Variants in AKAP11 observed in about 807,000 individuals in gnomAD.
The protein encoded by AKAP11 is A-kinase anchoring protein 11, also known as A-kinase anchor protein 11.
AKAP11 carries 36 observed loss-of-function variants against 146.1 expected under a neutral mutation model. The observed-to-expected ratio is 0.25, with a 90% confidence interval of 0.19 to 0.33. The LOEUF (loss-of-function observed/expected upper bound fraction) is 0.33, where lower values mean the gene tolerates loss of function less well. AKAP11 is among the 10% of genes least tolerant of loss of function. The pLI, the probability that AKAP11 is intolerant of heterozygous loss-of-function variation, is 1.00. For synonymous variants in AKAP11, 780 were observed against 786.5 expected, an observed-to-expected ratio of 0.99 and a Z score of 0.14; for missense variants, 2,201 against 2,197.0, an observed-to-expected ratio of 1.00 and a Z score of -0.04.
chr13:42,308,603 G>A lies in AKAP11; in HGVS notation c.5267G>A (p.Ser1756Asn), dbSNP rs1470464400. ...QDESSSFHHL[S>N]ESNGNSSSWS... ...GAAAGCAGCAGTTTTCATCATCTAAGTGAAAGGTAACTACACTTTTGCATA... is the reference window on the plus strand; with the variant it reads ...GAAAGCAGCAGTTTTCATCATCTAAATGAAAGGTAACTACACTTTTGCATA... The change falls in exon 9 of 13, where the codon AGT becomes AAT. Residue 1756 changes from serine (S) to asparagine (N), a missense_variant. By Grantham distance (46) the Ser-to-Asn change is conservative. This residue lies in a region of AKAP11 where 1,867 missense variants were observed against 1,833.5 expected (regional missense o/e 1.02). Transcript: ENST00000025301. 3 of 1,611,592 alleles carry A rather than the reference G, an allele frequency of 1.9e-6. No homozygotes were observed. Among genetic ancestry groups the A allele is most frequent in the South Asian group, 2.2e-5 (2 of 90,576 alleles).
chr13:42,285,118 A>G (rs992840350), intron 1 of AKAP11, among the ~76,000 whole-genome samples: 1 of 152,240 alleles, frequency 6.6e-6, no homozygotes, highest in Non-Finnish European at 1.5e-5. Context: ...GGGGGGCTAG[A>G]TTGAAGTTTG....
In AKAP11 at chr13:42,301,246, A is replaced by G; in HGVS notation, c.2500A>G (p.Arg834Gly). 2 of 1,613,992 alleles carry G rather than the reference A, an allele frequency of 1.2e-6. No homozygotes were observed. The highest frequency in any genetic ancestry group is 1.7e-6 in the Non-Finnish European group (2 of 1,179,958). Residue 834 changes from arginine to glycine, a missense_variant, in exon 8 of 13, where the codon AGA becomes GGA. Coordinates refer to ENST00000025301, the MANE Select transcript of AKAP11 (RefSeq NM_016248.4). ...CAGAGAAGAAAAAGCAGCTTGTCTCAGAAATATTTGTTTACCTTCAGAACA... is the reference window on the plus strand; with the variant it reads ...CAGAGAAGAAAAAGCAGCTTGTCTCGGAAATATTTGTTTACCTTCAGAACA... Reference protein sequence around the residue: ...KNREEKAACLRNICLPSEHNP... With the variant: ...KNREEKAACLGNICLPSEHNP...
chr13:42,298,413 C>CAGG, intron 6 of AKAP11, 120 bp from the exon 7 acceptor site: 1 of 1,042,662 alleles, frequency 9.6e-7, no homozygotes, highest in Non-Finnish European at 1.4e-6. Context: ...AGGAGCTTTT[C>CAGG]AGGATGCATG....
At chr13:42,274,415 G>A (rs1199730423) in intron 1 of AKAP11, among the ~76,000 whole-genome samples, 1 of 152,232 alleles carries the variant, frequency 6.6e-6, no homozygotes, top group East Asian at 1.9e-4. Context: ...CAGGCTTGGT[G>A]CCTTACACTT....
upstream of AKAP11, chr13:42,272,051 T>TGCG (rs1019424784): frequency 7.9e-4 from 108 of 136,010 alleles, 1 homozygote; most frequent in South Asian, 2.2e-3. Flanking sequence ...GGGCCGGAGC[T>TGCG]GCGGCGGCGG....
rs992696436 is a variant in AKAP11, at chr13:42,303,385, G to A, written c.4639G>A (p.Val1547Ile). The change falls in exon 8 of 13, where the codon GTA (valine) becomes ATA (isoleucine). Residue 1547 changes from valine to isoleucine, a missense_variant. Around this residue, in one of 3 missense-constraint regions of AKAP11, gnomAD observed 1,867 missense variants for 1,833.5 expected, o/e 1.02. Coordinates refer to ENST00000025301, the MANE Select transcript of AKAP11 (RefSeq NM_016248.4). ...AGCTGTAGAACAGTATGCCAAAAAA[G>A]TAGTGGATGACACTCTAGAGCTAAC... ...VQAVEQYAKK[V>I]VDDTLELTLG... 4 of 1,613,708 alleles carry A rather than the reference G, an allele frequency of 2.5e-6. No individual in the cohort carries two copies. The highest frequency in any genetic ancestry group is 3.3e-5 in the Admixed American group (2 of 60,000).
chr13:42,318,667 C>A lies in AKAP11; in HGVS notation c.5566-421C>A, dbSNP rs200881173. Reference sequence around the variant, plus strand: ...GAGTGTGTATTCCAGAAAAATGCCACACTATATGTTGTGGAAGGAAAATCC... The same window carrying A: ...GAGTGTGTATTCCAGAAAAATGCCAAACTATATGTTGTGGAAGGAAAATCC... On this transcript the variant is annotated intron_variant, in intron 12 of 12. Coordinates refer to ENST00000025301, the MANE Select transcript of AKAP11 (RefSeq NM_016248.4). Among the ~76,000 whole-genome samples, 138 of 152,280 alleles carry A rather than the reference C, an allele frequency of 9.1e-4. 1 individual carries two copies. The highest frequency in any genetic ancestry group is 3.2e-3 in the African/African-American group (135 of 41,560).
rs751645542 is a variant in AKAP11, at chr13:42,308,598, T to A, written c.5262T>A (p.His1754Gln). ...AAGATGAAAGCAGCAGTTTTCATCA[T>A]CTAAGTGAAAGGTAACTACACTTTT... is the stretch of plus-strand genomic sequence containing the variant. The part of the protein sequence containing the change: ...EHQDESSSFH[H>Q]LSESNGNSSS... The change falls in exon 9 of 13, where the codon CAT (histidine) becomes CAA (glutamine). Residue 1754 changes from histidine to glutamine, a missense_variant. By Grantham distance (24) the His-to-Gln change is conservative. Transcript: ENST00000025301. 1 of 1,612,144 alleles carries A rather than the reference T, an allele frequency of 6.2e-7. No individual in the cohort carries two copies. The highest frequency in any genetic ancestry group is 1.1e-5 in the South Asian group (1 of 90,688).
chr13:42,280,830 A>T (rs1371361411), intron 1 of AKAP11, among the ~76,000 whole-genome samples: 1 of 152,168 alleles, frequency 6.6e-6, no homozygotes, highest in East Asian at 1.9e-4. Context: ...GAGAGGGTAG[A>T]TTTGAGAGAA....
chr13:42,284,706 G>A (rs770604156), intron 1 of AKAP11, among the ~76,000 whole-genome samples: 62 of 152,156 alleles, frequency 4.1e-4, no homozygotes, highest in Admixed American at 1.0e-3. Context: ...TGGTAAATAC[G>A]GTATCATATA....
intron 5 of AKAP11, among the ~76,000 whole-genome samples, chr13:42,296,711 ATAAAG>A (rs538847629): frequency 3.4e-5 from 5 of 148,646 alleles, no homozygotes; most frequent in Admixed American, 3.3e-4. Context: ...AAAAAATTTC[ATAAAG>A]TTAAGTTAAG....
Position 42,298,686 on chromosome 13 carries a change from A to G in AKAP11, c.505A>G (p.Thr169Ala). The change falls in exon 7 of 13, where the codon ACT becomes GCT. Residue 169 changes from threonine (T) to alanine (A), a missense_variant. Physicochemically the swap from Thr to Ala is moderately conservative, Grantham distance 58 (BLOSUM62 0). This residue lies in a region of AKAP11 where 331 missense variants were observed against 347.4 expected (regional missense o/e 0.95). Transcript: ENST00000025301. ...FLHQKHQLETTDEDDDDTNQS... is the reference protein window; with the variant it reads ...FLHQKHQLETADEDDDDTNQS... Reference sequence around the variant, plus strand: ...GCATCAGAAGCACCAACTTGAGACCACTGATGAAGATGATGATGATACTAA... The same window carrying G: ...GCATCAGAAGCACCAACTTGAGACCGCTGATGAAGATGATGATGATACTAA... 1.2e-6 allele frequency: 2 copies of G among 1,611,754 alleles called. No homozygotes were observed. The highest frequency in any genetic ancestry group is 1.7e-6 in the Non-Finnish European group (2 of 1,179,180).
intron 4 of AKAP11, 149 bp from the exon 5 acceptor site, chr13:42,295,546 A>G (rs1427910467): frequency 2.7e-6 from 2 of 739,350 alleles, no homozygotes; most frequent in South Asian, 1.7e-5. Context: ...CTTTGGTGAA[A>G]AATATTTTTG....
intron 1 of AKAP11, among the ~76,000 whole-genome samples, chr13:42,273,677 G>A (rs563379034): frequency 6.7e-4 from 102 of 152,170 alleles, no homozygotes; most frequent in Non-Finnish European, 1.3e-3. Context: ...CTAAGACATG[G>A]AACCATAGTG....
intron 11 of AKAP11, among the ~76,000 whole-genome samples, chr13:42,314,446 TAAAAAAA>T (rs59968668): frequency 0.13 from 16,399 of 124,668 alleles, 1,089 homozygotes; most frequent in African/African-American, 0.15. Context: ...GACTCTGACT[TAAAAAAA>T]AAAAAAAAAA....
chr13:42,299,925 G>T lies in AKAP11; in HGVS notation c.1179G>T (p.Lys393Asn). 2 of 1,613,972 alleles carry T rather than the reference G, an allele frequency of 1.2e-6. No individual in the cohort carries two copies. Among genetic ancestry groups the T allele is most frequent in the Non-Finnish European group, 8.5e-7 (1 of 1,179,888 alleles). The change falls in exon 8 of 13, where the codon AAG becomes AAT. Residue 393 changes from lysine (K) to asparagine (N), a missense_variant. Lys to Asn is a moderately conservative substitution (Grantham distance 94). Transcript: ENST00000025301. ...SSQRKGHKHG[K>N]SCMNPQKFKF... ...AGAGGAAAGGGCACAAACATGGAAA[G>T]TCATGTATGAATCCTCAAAAATTCA...
intron 3 of AKAP11, among the ~76,000 whole-genome samples, chr13:42,287,506 G>C (rs977765691): frequency 1.3e-5 from 2 of 151,944 alleles, no homozygotes; most frequent in African/African-American, 4.8e-5. Context: ...GGATGATCGC[G>C]ATCTCCTGAC....
rs187491366 is a variant in AKAP11 at position 42,322,942 on chromosome 13, C to T, written c.*3714C>T. The T allele has an allele frequency of 6.5e-6, 1 of 152,760 alleles. No homozygotes were observed. The highest frequency in any genetic ancestry group is 1.5e-5 in the Non-Finnish European group (1 of 67,974). 9.5% of individuals were successfully genotyped at this position (152,760 alleles called of 1,614,324 possible). A position where few individuals can be genotyped will look rare whatever the true frequency, so the allele number is the denominator to read the frequency against. On this transcript the variant is annotated 3_prime_UTR_variant, in exon 13 of 13. Coordinates refer to ENST00000025301, the MANE Select transcript of AKAP11 (RefSeq NM_016248.4). Reference sequence around the variant, plus strand: ...CTTGTGCAGTGTTAAAAGTAATCCACTTTCTTGTTTAATATACCAGATACA... The same window carrying T: ...CTTGTGCAGTGTTAAAAGTAATCCATTTTCTTGTTTAATATACCAGATACA...
chr13:42,277,871 C>T (rs1049997208), intron 1 of AKAP11, among the ~76,000 whole-genome samples: 6 of 152,272 alleles, frequency 3.9e-5, no homozygotes, highest in Non-Finnish European at 8.8e-5. Context: ...ATGTGTTGAA[C>T]GTTGGTAGTA....
Sources: gnomAD v4.1 joint callset for allele counts (sites outside exome capture counted in the v4.1 genomes callset) on GRCh38, gnomAD v4.1.1 for gene constraint, gnomAD v4.1.1 regional missense constraint, MANE v1.5 for transcripts, NCBI Gene and HGNC (gene_info 2026-07-23, HGNC 2026-07-21) for gene names.